BDP1: variants seen among roughly 807,000 people sequenced by gnomAD.
BDP1 encodes the protein transcription factor TFIIIB component B'' homolog.
Under a neutral mutation model 266.6 loss-of-function variants are expected in BDP1, and 169 were observed. That is an observed-to-expected ratio of 0.63 (90% CI 0.56 to 0.72). BDP1 has a LOEUF of 0.72. Among genes scored for constraint, BDP1 ranks in the 30% least tolerant of loss-of-function variants. BDP1 has a pLI of 0.00. For missense variants in BDP1, 3,015 were observed against 3,053.8 expected (o/e 0.99, Z 0.30); for synonymous variants, 1,090 against 1,022.4 (o/e 1.07, Z -1.26).
At chr5:71,482,638 A>C (rs1401008906) in intron 7 of BDP1, among the ~76,000 whole-genome samples, 1 of 152,216 alleles carries the variant, frequency 6.6e-6, no homozygotes, top group Non-Finnish European at 1.5e-5. Context: ...TCTGAATTAT[A>C]TTACCAATTA....
At chr5:71,473,343 G>C (rs1360173660) in intron 7 of BDP1, among the ~76,000 whole-genome samples, 5 of 126,812 alleles carry the variant, frequency 3.9e-5, no homozygotes, top group Middle Eastern at 6.6e-3. Flanking sequence ...GGTGACATCT[G>C]GGCTCACTGC....
chr5:71,563,887 G>C (rs1379530685), intron 38 of BDP1, among the ~76,000 whole-genome samples: 1 of 152,152 alleles, frequency 6.6e-6, no homozygotes, highest in African/African-American at 2.4e-5. Context: ...ATTCCAGCCT[G>C]GCTTTGTCTT....
At chr5:71,569,046 G>A (rs1021599032), downstream of BDP1, among the ~76,000 whole-genome samples, 2 of 152,082 alleles carry the variant, frequency 1.3e-5, no homozygotes, top group Non-Finnish European at 2.9e-5. Context: ...GGTACCAATC[G>A]CCAACTGCAG....
chr5:71,515,146 A>G (rs1270441624), intron 20 of BDP1, 24 bp downstream of exon 20: 1 of 1,528,148 alleles, frequency 6.5e-7, no homozygotes, highest in Non-Finnish European at 8.8e-7. Flanking sequence ...TTCTTTGACA[A>G]TATAAAATAA....
At chr5:71,492,420 T>A (rs901691277) in intron 11 of BDP1, among the ~76,000 whole-genome samples, 1 of 152,208 alleles carries the variant, frequency 6.6e-6, no homozygotes, top group African/African-American at 2.4e-5. Context: ...TTTATTTTAT[T>A]AATAATGTCC....
chr5:71,490,950 A>AT (rs1222503552), intron 10 of BDP1, 34 bp from the exon 11 acceptor site: 8 of 1,562,980 alleles, frequency 5.1e-6, no homozygotes, highest in African/African-American at 2.7e-5. Context: ...TTTTGCTGTC[A>AT]TTTTTTAGAA....
downstream of BDP1, among the ~76,000 whole-genome samples, chr5:71,571,518 T>A (rs1207529107): frequency 1.3e-5 from 2 of 152,194 alleles, no homozygotes; most frequent in Admixed American, 6.5e-5. Flanking sequence ...TTTTCCTGAG[T>A]CTTCAGATGG....
intron 24 of BDP1, among the ~76,000 whole-genome samples, chr5:71,523,528 G>T (rs966251251): frequency 1.3e-5 from 2 of 152,086 alleles, no homozygotes; most frequent in African/African-American, 4.8e-5. Flanking sequence ...TGGCCAGGCT[G>T]GTCTTGAACT....
At chr5:71,464,556 T>A (rs1761777212) in intron 4 of BDP1, among the ~76,000 whole-genome samples, 1 of 151,900 alleles carries the variant, frequency 6.6e-6, no homozygotes, top group Non-Finnish European at 1.5e-5. Flanking sequence ...TTAATTTAAT[T>A]TTTGAGACAG....
chr5:71,493,737 A>G (rs887753882), intron 11 of BDP1, among the ~76,000 whole-genome samples: 1 of 152,198 alleles, frequency 6.6e-6, no homozygotes, highest in Non-Finnish European at 1.5e-5. Flanking sequence ...GCAGCATGGT[A>G]TTGGTGTAGG....
chr5:71,568,893 A>G (rs1457480128), downstream of BDP1, among the ~76,000 whole-genome samples: 1 of 152,258 alleles, frequency 6.6e-6, no homozygotes, highest in African/African-American at 2.4e-5. Context: ...ATCACTCTGA[A>G]GTAAGACAGT....
intron 7 of BDP1, among the ~76,000 whole-genome samples, chr5:71,483,213 C>T (rs577008706): frequency 1.3e-5 from 2 of 152,232 alleles, no homozygotes; most frequent in East Asian, 1.9e-4. Context: ...GATGTGTTTG[C>T]GTGATCAGAC....
intron 26 of BDP1, 27 bp downstream of exon 26, chr5:71,532,454 G>T (rs781235366): frequency 1.2e-6 from 2 of 1,605,118 alleles, no homozygotes; most frequent in Admixed American, 1.7e-5. Flanking sequence ...ATATGTTTTG[G>T]CCTTTTATTC....
intron 21 of BDP1, among the ~76,000 whole-genome samples, chr5:71,516,563 T>C (rs1379382644): frequency 1.3e-5 from 2 of 152,220 alleles, no homozygotes; most frequent in African/African-American, 4.8e-5. Context: ...TGACATATCT[T>C]ACTGGATTTA....
chr5:71,522,846 G>T lies in BDP1; in HGVS notation c.5284G>T (p.Glu1762Ter). 1 of 1,613,896 alleles carries T rather than the reference G, an allele frequency of 6.2e-7. No individual in the cohort carries two copies. Among genetic ancestry groups the T allele is most frequent in the East Asian group, 2.2e-5 (1 of 44,844 alleles). ...GTCTGCTTTGGCAAAAATAGATGCG[G>T]AATTAGAAGAAGTTGGACCATCAAG... ...KESALAKIDAELEEVGPSRRV... is the reference protein window; with the variant it reads ...KESALAKIDA The change falls in exon 24 of 39, where the codon GAA becomes TAA. Residue 1762 changes from glutamate (E) to a stop codon, truncating the protein, a stop_gained. Coordinates refer to ENST00000358731, the MANE Select transcript of BDP1 (RefSeq NM_018429.3). LOFTEE classifies it high-confidence loss of function.
At chr5:71,505,771 G>C (rs911669323) in intron 16 of BDP1, among the ~76,000 whole-genome samples, 2 of 152,176 alleles carry the variant, frequency 1.3e-5, no homozygotes. Flanking sequence ...TGAAGGAAGA[G>C]GATTGCTTGA....
intron 27 of BDP1, 84 bp from the exon 28 acceptor site, chr5:71,539,472 TA>T: frequency 9.6e-7 from 1 of 1,039,772 alleles, no homozygotes; most frequent in South Asian, 1.4e-5. Flanking sequence ...TCCTAGGAGA[TA>T]AACACCTTAA....
chr5:71,527,944 A>G (rs1348922297), intron 25 of BDP1, among the ~76,000 whole-genome samples: 2 of 151,246 alleles, frequency 1.3e-5, no homozygotes, highest in East Asian at 1.9e-4. Context: ...TCAGCCTCCC[A>G]AGAAGCTGGG....
the BDP1 span, among the ~76,000 whole-genome samples, chr5:71,577,838 G>A: frequency 2.6e-5 from 4 of 152,188 alleles, no homozygotes; most frequent in African/African-American, 4.8e-5. Context: ...CTGTAAAATC[G>A]GATGGACTGC....
Sources: gnomAD v4.1 joint callset for allele counts (sites outside exome capture counted in the v4.1 genomes callset) on GRCh38, gnomAD v4.1.1 for gene constraint, MANE v1.5 for transcripts, NCBI Gene and HGNC (gene_info 2026-07-23, HGNC 2026-07-21) for gene names.